The following CNNM2 variants were observed in gnomAD, a reference collection of about 807,000 sequenced individuals.
CNNM2 encodes the protein metal transporter CNNM2.
Under a neutral mutation model 66.9 loss-of-function variants are expected in CNNM2, and 12 were observed. That is an observed-to-expected ratio of 0.18 (90% CI 0.11 to 0.29). The LOEUF is 0.29. Among genes scored for constraint, CNNM2 ranks in the 10% least tolerant of loss-of-function variants. The pLI is 1.00. For synonymous variants in CNNM2, 557 were observed against 501.8 expected (o/e 1.11, Z -1.47); for missense variants, 705 against 1,167.7 (o/e 0.60, Z 5.77).
rs28663492 is a variant in CNNM2, at chr10:102,940,006, A to C, written c.1621+19905A>C. On this transcript the variant is annotated intron_variant, in intron 1 of 7. Transcript: ENST00000369878. ...ACAACAACAACAACAACAACAAAAA[A>C]AAAACCGCCATGTAGGAGACGGCCA... is the stretch of plus-strand genomic sequence containing the variant. Among the ~76,000 whole-genome samples the C allele has an allele frequency of 9.9e-3, 1,186 of 119,328 alleles. 16 individuals carry two copies. Among genetic ancestry groups the C allele is most frequent in the African/African-American group, 0.028 (904 of 32,700 alleles). The allele number at this position is 119,328 out of a possible 152,430, so 78.3% of individuals were successfully genotyped here. A position where few individuals can be genotyped will look rare whatever the true frequency, so the allele number is the denominator to read the frequency against.
intron 1 of CNNM2, among the ~76,000 whole-genome samples, chr10:103,001,686 C>T (rs1458516219): frequency 6.6e-6 from 1 of 152,016 alleles, no homozygotes; most frequent in Non-Finnish European, 1.5e-5. Context: ...AAAAATATAT[C>T]AGAGACCTAA....
intron 1 of CNNM2, among the ~76,000 whole-genome samples, chr10:103,043,359 G>A (rs1246471352): frequency 1.3e-5 from 2 of 152,086 alleles, no homozygotes; most frequent in Non-Finnish European, 2.9e-5. Context: ...CTTCCTTAAT[G>A]TCTGCCTAGT....
At chr10:102,979,029 T>C (rs1470412592) in intron 1 of CNNM2, among the ~76,000 whole-genome samples, 1 of 152,236 alleles carries the variant, frequency 6.6e-6, no homozygotes, top group East Asian at 1.9e-4. Flanking sequence ...TCCATTCTGC[T>C]AATGGGCATT....
intron 1 of CNNM2, among the ~76,000 whole-genome samples, chr10:102,976,688 G>T (rs2063640018): frequency 8.1e-6 from 1 of 123,148 alleles, no homozygotes; most frequent in Non-Finnish European, 1.6e-5. Flanking sequence ...GGCTGGTCTT[G>T]AACTCCTGAC....
intron 1 of CNNM2, among the ~76,000 whole-genome samples, chr10:102,924,728 C>T (rs552998591): frequency 1.3e-5 from 2 of 151,906 alleles, no homozygotes; most frequent in African/African-American, 4.8e-5. Context: ...TCTGAGCCTT[C>T]CAAGGTGCTG....
chr10:102,989,743 A>G (rs566337619), intron 1 of CNNM2, among the ~76,000 whole-genome samples: 2 of 151,984 alleles, frequency 1.3e-5, no homozygotes, highest in East Asian at 3.9e-4. Flanking sequence ...CGGAGGTTGC[A>G]GTGAGCTGAG....
chr10:102,996,722 A>G (rs2064011396), intron 1 of CNNM2, among the ~76,000 whole-genome samples: 1 of 152,238 alleles, frequency 6.6e-6, no homozygotes, highest in African/African-American at 2.4e-5. Flanking sequence ...GAATAGGTTG[A>G]ATCTAAAAGT....
chr10:103,069,590 T>G (rs1244983745), intron 5 of CNNM2, among the ~76,000 whole-genome samples: 1 of 152,048 alleles, frequency 6.6e-6, no homozygotes, highest in Admixed American at 6.5e-5. Flanking sequence ...CAGTTAAGGG[T>G]GGGTGGCCAT....
At chr10:103,062,571 C>T (rs916640887) in intron 4 of CNNM2, among the ~76,000 whole-genome samples, 7 of 152,142 alleles carry the variant, frequency 4.6e-5, no homozygotes, top group Non-Finnish European at 1.0e-4. Flanking sequence ...TTATATATAA[C>T]TATAAACCAA....
chr10:102,966,246 T>A (rs1387911045), intron 1 of CNNM2, among the ~76,000 whole-genome samples: 1 of 152,222 alleles, frequency 6.6e-6, no homozygotes, highest in East Asian at 1.9e-4. Context: ...GGGATTTAGA[T>A]AATGGTTTGA....
intron 1 of CNNM2, among the ~76,000 whole-genome samples, chr10:103,018,777 G>GC (rs2064507179): frequency 7.2e-6 from 1 of 138,232 alleles, no homozygotes; most frequent in African/African-American, 2.7e-5. Context: ...TCCTCCCTCA[G>GC]CCCCCCGAGT....
intron 1 of CNNM2, among the ~76,000 whole-genome samples, chr10:102,973,727 C>A (rs993427036): frequency 6.6e-6 from 1 of 152,066 alleles, no homozygotes; most frequent in Non-Finnish European, 1.5e-5. Context: ...CATTTTAGAC[C>A]CTTTGAATGA....
chr10:102,985,811 G>C (rs1177440073), intron 1 of CNNM2, among the ~76,000 whole-genome samples: 1 of 152,208 alleles, frequency 6.6e-6, no homozygotes, highest in Admixed American at 6.5e-5. Flanking sequence ...ATTGGGAAAG[G>C]GGGGCCTTCT....
chr10:102,961,171 C>G (rs1286520646), intron 1 of CNNM2, among the ~76,000 whole-genome samples: 1 of 152,210 alleles, frequency 6.6e-6, no homozygotes, highest in Non-Finnish European at 1.5e-5. Flanking sequence ...AGCCACCATA[C>G]CTGGTTCAAC....
chr10:102,935,114 G>A (rs562081208), intron 1 of CNNM2, among the ~76,000 whole-genome samples: 103 of 143,680 alleles, frequency 7.2e-4, no homozygotes, highest in African/African-American at 1.7e-3. Context: ...AGCCGAGACC[G>A]CGCCATTGCA....
At chr10:103,048,540 C>T (rs183661148) in intron 1 of CNNM2, among the ~76,000 whole-genome samples, 43 of 148,458 alleles carry the variant, frequency 2.9e-4, no homozygotes, top group Middle Eastern at 3.5e-3. Context: ...CTGTTGAAAG[C>T]TCAAATTTTA....
rs375575091 is a variant in CNNM2, at chr10:103,064,572, C to T, written c.2074-4057C>T. Among the ~76,000 whole-genome samples, 288 of 150,376 alleles carry T rather than the reference C, an allele frequency of 1.9e-3. 4 individuals carry two copies. The South Asian group carries it at 0.062, about 32-fold the overall frequency. ...TAAATACCTTTATTTTGCCCTGGCACGGTGGCTCATGCCTGTAATCCCAAC... is the reference window on the plus strand; with the variant it reads ...TAAATACCTTTATTTTGCCCTGGCATGGTGGCTCATGCCTGTAATCCCAAC... On this transcript the variant is annotated intron_variant, in intron 4 of 7. Transcript: ENST00000369878.
chr10:102,963,626 C>T (rs2063417630), intron 1 of CNNM2, among the ~76,000 whole-genome samples: 1 of 151,056 alleles, frequency 6.6e-6, no homozygotes, highest in Non-Finnish European at 1.5e-5. Flanking sequence ...TTATTGTAAA[C>T]AGTTTTTATT....
At chr10:102,984,742 C>T (rs966726789) in intron 1 of CNNM2, among the ~76,000 whole-genome samples, 14 of 151,394 alleles carry the variant, frequency 9.2e-5, no homozygotes, top group African/African-American at 3.2e-4. Context: ...TCACTGCAAC[C>T]TCTGCCTCCC....
Sources: allele counts gnomAD v4.1 joint callset (sites outside exome capture counted in the v4.1 genomes callset), GRCh38; gene constraint gnomAD v4.1.1; transcripts MANE v1.5; gene names NCBI Gene and HGNC (gene_info 2026-07-23, HGNC 2026-07-21).